The following TBC1D5 variants were observed in gnomAD, a reference collection of about 807,000 sequenced individuals.
TBC1D5 encodes the protein TBC1 domain family member 5, also known as TBC1 domain family, member 5.
A neutral mutation model predicts 100.3 loss-of-function variants in TBC1D5; 75 were observed. The observed-to-expected ratio is 0.75, with a 90% CI of 0.62 to 0.91. TBC1D5 has a LOEUF of 0.91. Among genes scored for constraint, TBC1D5 ranks in the 40% least tolerant of loss-of-function variants. TBC1D5 has a pLI of 0.00. For synonymous variants in TBC1D5, 323 were observed against 325.6 expected (o/e 0.99, Z 0.09); for missense variants, 910 against 942.4 (o/e 0.97, Z 0.45).
At chr3:17,479,225 C>T (rs966945469) in intron 3 of TBC1D5, among the ~76,000 whole-genome samples, 2 of 152,028 alleles carry the variant, frequency 1.3e-5, no homozygotes, top group African/African-American at 4.8e-5. Flanking sequence ...AGTACTGAGA[C>T]CCTGTCTCTA....
intron 1 of TBC1D5, among the ~76,000 whole-genome samples, chr3:17,696,821 A>C (rs1250463441): frequency 6.6e-6 from 1 of 152,222 alleles, no homozygotes; most frequent in South Asian, 2.1e-4. Context: ...TTTTAGACCA[A>C]TATCTCTGAA....
At chr3:17,660,260 G>A (rs1451900636) in intron 1 of TBC1D5, among the ~76,000 whole-genome samples, 1 of 152,132 alleles carries the variant, frequency 6.6e-6, no homozygotes, top group Non-Finnish European at 1.5e-5. Flanking sequence ...CTAAAATCTT[G>A]ATCAAGGAGT....
chr3:17,212,247 C>G (rs1212400783), intron 18 of TBC1D5, among the ~76,000 whole-genome samples: 1 of 152,102 alleles, frequency 6.6e-6, no homozygotes, highest in Non-Finnish European at 1.5e-5. Context: ...AGACCACATA[C>G]ATGATGGTGG....
chr3:17,436,633 G>A (rs2094540560), intron 3 of TBC1D5, among the ~76,000 whole-genome samples: 1 of 152,028 alleles, frequency 6.6e-6, no homozygotes, highest in South Asian at 2.1e-4. Context: ...AATATTTAAA[G>A]AGAATGCAGG....
At chr3:17,218,680 T>C (rs982516517) in intron 17 of TBC1D5, among the ~76,000 whole-genome samples, 2 of 152,006 alleles carry the variant, frequency 1.3e-5, no homozygotes, top group African/African-American at 2.4e-5. Context: ...ATTGGATATA[T>C]AATAGAATTC....
chr3:17,423,698 T>C (rs2094272177), intron 4 of TBC1D5, among the ~76,000 whole-genome samples: 1 of 148,748 alleles, frequency 6.7e-6, no homozygotes, highest in Admixed American at 6.6e-5. Context: ...TGAAATTAAG[T>C]TGGAAAAAAT....
Position 17,602,561 on chromosome 3 carries a change from A to ATTTT in TBC1D5, c.-36+21284_-36+21287dup, listed in dbSNP as rs33956978. On this transcript the variant is annotated intron_variant, in intron 2 of 21. Coordinates refer to ENST00000253692, the Ensembl canonical transcript of TBC1D5. ...TTATGCCATAATACGAGAGAATCAG[A>ATTTT]TTTTTTTTTTTTTTTTTTTTTTTTT... 6.0e-4 allele frequency among the ~76,000 whole-genome samples: 45 copies of ATTTT among 74,518 alleles called. 7 individuals carry two copies. Among genetic ancestry groups the ATTTT allele is most frequent in the Non-Finnish European group, 7.2e-4 (29 of 40,414 alleles). The allele number at this position is 74,518 out of a possible 152,430, so 48.9% of individuals were successfully genotyped here. A position where few individuals can be genotyped will look rare whatever the true frequency, so the allele number is the denominator to read the frequency against.
At chr3:17,509,497 T>C (rs2095878645) in intron 2 of TBC1D5, among the ~76,000 whole-genome samples, 1 of 152,050 alleles carries the variant, frequency 6.6e-6, no homozygotes. Flanking sequence ...ACAATGGATG[T>C]TTCCTCTTTG....
At chr3:17,574,188 G>A (rs1334517875) in intron 2 of TBC1D5, among the ~76,000 whole-genome samples, 2 of 151,938 alleles carry the variant, frequency 1.3e-5, no homozygotes, top group African/African-American at 4.8e-5. Flanking sequence ...AGACCAATCA[G>A]CTAACACTCA....
chr3:17,563,897 C>T (rs1459963074), intron 2 of TBC1D5, among the ~76,000 whole-genome samples: 1 of 152,332 alleles, frequency 6.6e-6, no homozygotes, highest in East Asian at 1.9e-4. Context: ...ATTCTCCTGC[C>T]TCAGCCTCCC....
intron 3 of TBC1D5, among the ~76,000 whole-genome samples, chr3:17,479,208 T>C (rs557084780): frequency 6.6e-6 from 1 of 152,238 alleles, no homozygotes; most frequent in East Asian, 1.9e-4. Flanking sequence ...AAGACCAGAC[T>C]GGGCAAAGTA....
chr3:17,695,235 C>G (rs974584314), intron 1 of TBC1D5, among the ~76,000 whole-genome samples: 2 of 152,142 alleles, frequency 1.3e-5, no homozygotes, highest in Non-Finnish European at 2.9e-5. Context: ...GGATCAAATT[C>G]ACACATAACA....
At chr3:17,452,106 G>C (rs2094942109) in intron 3 of TBC1D5, among the ~76,000 whole-genome samples, 1 of 151,942 alleles carries the variant, frequency 6.6e-6, no homozygotes. Flanking sequence ...AAAGTAATGA[G>C]TTATAAGATA....
At chr3:17,472,860 T>G (rs1311583815) in intron 3 of TBC1D5, among the ~76,000 whole-genome samples, 1 of 152,224 alleles carries the variant, frequency 6.6e-6, no homozygotes, top group Non-Finnish European at 1.5e-5. Context: ...GTACTGAATA[T>G]CTGATAGACC....
Position 17,629,610 on chromosome 3 carries a change from G to A in TBC1D5, c.-100-5697C>T, listed in dbSNP as rs749880968. On this transcript the variant is annotated intron_variant, in intron 1 of 21. Coordinates refer to ENST00000253692, the Ensembl canonical transcript of TBC1D5. ...AGTTACTTTGCTACTAAACACTGAG[G>A]AATGTGAGAAAAATAAGCTTTAGTG... Among the ~76,000 whole-genome samples, 81 of 152,306 alleles carry A rather than the reference G, an allele frequency of 5.3e-4. 1 individual carries two copies. The highest frequency in any genetic ancestry group is 3.4e-3 in the Middle Eastern group (1 of 294).
rs1265000336 is a variant in TBC1D5, at chr3:17,207,942, A to T, written c.1752+6265T>A. Reference sequence around the variant, plus strand: ...TGAGTCTTCAAATCTGAAAGGTATCATCATATAGTTTAAGGGACAAGAGAC... The same window carrying T: ...TGAGTCTTCAAATCTGAAAGGTATCTTCATATAGTTTAAGGGACAAGAGAC... On this transcript the variant is annotated intron_variant, in intron 18 of 21. Transcript: ENST00000253692. 2.0e-5 allele frequency among the ~76,000 whole-genome samples: 3 copies of T among 152,362 alleles called. No homozygotes were observed. In the East Asian group the frequency reaches 5.8e-4, roughly 29 times the overall value.
At chr3:17,628,065 A>G (rs2063203638) in intron 1 of TBC1D5, among the ~76,000 whole-genome samples, 1 of 152,094 alleles carries the variant, frequency 6.6e-6, no homozygotes, top group African/African-American at 2.4e-5. Context: ...TATTGTACCT[A>G]TTTTTAAAAA....
exon 1 of TBC1D5, chr3:17,740,547 A>G (rs1383238078): frequency 6.6e-6 from 1 of 152,178 alleles, no homozygotes; most frequent in Non-Finnish European, 1.5e-5. Flanking sequence ...AAGTACAACC[A>G]TTTCTCCATA....
chr3:17,225,439 C>CAAAAA (rs35631452), intron 17 of TBC1D5, among the ~76,000 whole-genome samples: 1 of 88,348 alleles, frequency 1.1e-5, no homozygotes, highest in African/African-American at 4.2e-5. Flanking sequence ...GACTCGGTCT[C>CAAAAA]AAAAAAAAAA....
Sources: gnomAD v4.1 joint callset for allele counts (sites outside exome capture counted in the v4.1 genomes callset) on GRCh38, gnomAD v4.1.1 for gene constraint, MANE v1.5 for transcripts, NCBI Gene and HGNC (gene_info 2026-07-23, HGNC 2026-07-21) for gene names.